The following CPA4 variants were observed in gnomAD, a reference collection of about 807,000 sequenced individuals.
CPA4 encodes carboxypeptidase A4.
CPA4 carries 49 observed loss-of-function variants against 54.7 expected under a neutral mutation model. That is an observed-to-expected ratio of 0.90 (90% CI 0.71 to 1.14). The LOEUF (loss-of-function observed/expected upper bound fraction) is 1.14. CPA4 is among the 50% of genes most tolerant of loss of function. The pLI is 0.00. For missense variants in CPA4, 487 were observed against 525.1 expected (o/e 0.93, Z 0.71); for synonymous variants, 215 against 206.8 (o/e 1.04, Z -0.34).
intron 7 of CPA4, chr7:130,308,006 A>G: frequency 2.5e-6 from 1 of 396,674 alleles, no homozygotes; most frequent in Non-Finnish European, 4.7e-6. Context: ...TATAGTGTCC[A>G]TTTGCCCACT....
At chr7:130,301,248 C>T (rs1469705492) in intron 4 of CPA4, among the ~76,000 whole-genome samples, 1 of 152,162 alleles carries the variant, frequency 6.6e-6, no homozygotes, top group Non-Finnish European at 1.5e-5. Context: ...TTTTACTCAC[C>T]CAGAATAAAA....
rs1027764321 is a variant in CPA4, at chr7:130,298,619, C to T, written c.69-127C>T. ...CATTTTTAATGGCCATACATTAAAACCAAAGACTAGACCATTTCCTTTCTT... is the reference window on the plus strand; with the variant it reads ...CATTTTTAATGGCCATACATTAAAATCAAAGACTAGACCATTTCCTTTCTT... On this transcript the variant is annotated intron_variant, in intron 1 of 10. Coordinates refer to ENST00000222482, the MANE Select transcript of CPA4 (RefSeq NM_016352.4). The T allele has an allele frequency of 6.0e-5, 37 of 613,644 alleles. No homozygotes were observed. In the African/African-American group the frequency reaches 6.1e-4, roughly 10 times the overall value. The allele number at this position is 613,644 out of a possible 1,614,324, so 38.0% of individuals were successfully genotyped here.
chr7:130,298,042 A>G (rs6971185), intron 1 of CPA4, among the ~76,000 whole-genome samples: 67,962 of 151,926 alleles, frequency 0.45, 15,362 homozygotes, highest in African/African-American at 0.52. Flanking sequence ...CTCACCCCGT[A>G]GGGAGGAGTG....
At position 130,307,754 on chromosome 7, in the gene CPA4, C is replaced by T. The variant is rs140038327; in HGVS notation, c.703-553C>T. ...CTTTTATTCTACAGCAGCTCCCACA[C>T]ACACCTTTTAAAAGTCTCACTCATT... On this transcript the variant is annotated intron_variant, in intron 7 of 10. Transcript: ENST00000222482. 4.9e-3 allele frequency among the ~76,000 whole-genome samples: 743 copies of T among 152,260 alleles called. 5 individuals carry two copies. The highest frequency in any genetic ancestry group is 0.017 in the African/African-American group (709 of 41,542).
At chr7:130,316,998 T>C (rs754553593) in intron 10 of CPA4, among the ~76,000 whole-genome samples, 10 of 151,698 alleles carry the variant, frequency 6.6e-5, no homozygotes, top group Admixed American at 4.6e-4. Context: ...TGAAAGAGTA[T>C]TGAATATAGG....
chr7:130,293,372 GC>G, intron 1 of CPA4, 124 bp downstream of exon 1: 1 of 714,540 alleles, frequency 1.4e-6, no homozygotes, highest in South Asian at 1.5e-5. Context: ...TTCCAGCTTT[GC>G]CCCTGTGTCA....
At chr7:130,300,456 C>A (rs1672062678) in intron 3 of CPA4, among the ~76,000 whole-genome samples, 1 of 151,654 alleles carries the variant, frequency 6.6e-6, no homozygotes, top group African/African-American at 2.4e-5. Flanking sequence ...CTGCCTCAGC[C>A]TCCCAAGTAG....
chr7:130,293,757 C>G (rs1793606947), intron 1 of CPA4, among the ~76,000 whole-genome samples: 1 of 152,138 alleles, frequency 6.6e-6, no homozygotes, highest in South Asian at 2.1e-4. Flanking sequence ...TGCTCTACCC[C>G]TGAGCTACAC....
rs781504935 is a variant in CPA4, at chr7:130,306,812, C to T, written c.617C>T (p.Pro206Leu). Reference sequence around the variant, plus strand: ...ATTGTATCTGATTACCAGAGGGATCCAGCTATCACCTCCATCTTGGAGAAA... The same window carrying T: ...ATTGTATCTGATTACCAGAGGGATCTAGCTATCACCTCCATCTTGGAGAAA... ...RKIVSDYQRD[P>L]AITSILEKMD... Residue 206 changes from proline (P) to leucine (L), a missense_variant, in exon 7 of 11, where the codon CCA (proline) becomes CTA (leucine). Transcript: ENST00000222482. 1.9e-6 allele frequency: 3 copies of T among 1,608,222 alleles called. No homozygotes were observed. Among genetic ancestry groups the T allele is most frequent in the East Asian group, 2.2e-5 (1 of 44,848 alleles).
intron 10 of CPA4, among the ~76,000 whole-genome samples, chr7:130,312,443 C>T (rs1271403521): frequency 2.0e-5 from 3 of 152,138 alleles, no homozygotes; most frequent in Admixed American, 6.5e-5. Flanking sequence ...TGAGCCTGGA[C>T]AACATAGCAA....
chr7:130,303,689 T>G (rs1793773491), intron 4 of CPA4, among the ~76,000 whole-genome samples: 1 of 151,996 alleles, frequency 6.6e-6, no homozygotes, highest in African/African-American at 2.4e-5. Context: ...AGTGCAGTGG[T>G]GCATTCGTGG....
At chr7:130,298,500 C>G (rs1370733914) in intron 1 of CPA4, among the ~76,000 whole-genome samples, 1 of 152,220 alleles carries the variant, frequency 6.6e-6, no homozygotes, top group Non-Finnish European at 1.5e-5. Flanking sequence ...TACTTATAAT[C>G]ATGGCATACA....
intron 3 of CPA4, among the ~76,000 whole-genome samples, chr7:130,300,333 ATTTTTTTTT>A (rs767924823): frequency 8.0e-6 from 1 of 124,434 alleles, no homozygotes; most frequent in Non-Finnish European, 1.7e-5. Context: ...CAAGAAGTAA[ATTTTTTTTT>A]TTTTTTTTTT....
chr7:130,316,308 A>G (rs1584754292), intron 10 of CPA4, among the ~76,000 whole-genome samples: 2 of 152,180 alleles, frequency 1.3e-5, no homozygotes, highest in Non-Finnish European at 2.9e-5. Context: ...AAATTTGGGC[A>G]TTGGAATGGA....
chr7:130,300,025 C>T (rs550417353), intron 3 of CPA4, among the ~76,000 whole-genome samples: 4 of 152,264 alleles, frequency 2.6e-5, no homozygotes, highest in South Asian at 4.1e-4. Flanking sequence ...TCTCCTTCAC[C>T]GAGGTGGGTT....
Position 130,310,864 on chromosome 7 carries a change from G to T in CPA4, c.871G>T (p.Val291Leu), listed in dbSNP as rs753315127. 3 of 1,613,896 alleles carry T rather than the reference G, an allele frequency of 1.9e-6. No individual in the cohort carries two copies. The South Asian group carries it at 3.3e-5, about 18-fold the overall frequency. Reference sequence around the variant, plus strand: ...CAATTCGGAAGTGGAGGTGAAATCAGTGGTAGATTTCATCCAAAAACATGG... The same window carrying T: ...CAATTCGGAAGTGGAGGTGAAATCATTGGTAGATTTCATCCAAAAACATGG... ...HANSEVEVKS[V>L]VDFIQKHGNF... Residue 291 changes from valine to leucine, a missense_variant, in exon 9 of 11, where the codon GTG becomes TTG. Coordinates refer to ENST00000222482, the MANE Select transcript of CPA4 (RefSeq NM_016352.4). The surrounding 1 kb of genome is among the most constrained non-coding windows in gnomAD (Gnocchi z 4.3).
intron 8 of CPA4, among the ~76,000 whole-genome samples, chr7:130,308,730 TTCA>T (rs1793866642): frequency 6.6e-6 from 1 of 151,526 alleles, no homozygotes; most frequent in African/African-American, 2.4e-5. Context: ...GCTATTTTTT[TTCA>T]GTAGAGATGG....
At chr7:130,306,761 C>G in intron 6 of CPA4, 26 bp from the exon 7 acceptor site, 1 of 1,355,548 alleles carries the variant, frequency 7.4e-7, no homozygotes, top group Non-Finnish European at 1.1e-6. Flanking sequence ...CATGGGATAG[C>G]TGACAAGCAT....
rs776647420 is a variant in CPA4 at position 130,299,416 on chromosome 7, A to ATGCCTCC, written c.285+23_285+29dup. The ATGCCTCC allele has an allele frequency of 7.4e-6, 12 of 1,612,872 alleles. No homozygotes were observed. Among genetic ancestry groups the ATGCCTCC allele is most frequent in the Admixed American group, 6.7e-5 (4 of 60,008 alleles). On this transcript the variant is annotated intron_variant, in intron 3 of 10. Coordinates refer to ENST00000222482, the MANE Select transcript of CPA4 (RefSeq NM_016352.4). ...TTGAGGACCTGCAGGTAGGTAGACT[A>ATGCCTCC]TGCCTCCTGCCTCCTGCTCTTGCAT...
Sources: gnomAD v4.1 joint callset for allele counts (sites outside exome capture counted in the v4.1 genomes callset) on GRCh38, gnomAD v4.1.1 for gene constraint, Gnocchi (gnomAD v3.1) non-coding constraint, MANE v1.5 for transcripts, NCBI Gene and HGNC (gene_info 2026-07-23, HGNC 2026-07-21) for gene names.